The following UQCC1 variants were observed in gnomAD, a reference collection of about 807,000 sequenced individuals.
The protein encoded by UQCC1 is bFGF-repressed Zic-binding protein.
UQCC1 carries 38 observed loss-of-function variants against 48.0 expected under a neutral mutation model. The observed-to-expected ratio is 0.79, with a 90% confidence interval of 0.61 to 1.04. The LOEUF (loss-of-function observed/expected upper bound fraction) is 1.04. UQCC1 is among the 50% of genes least tolerant of loss of function. The probability of loss-of-function intolerance (pLI) is 0.00; values close to 1 mark genes in which losing one functional copy is unlikely to be tolerated. For missense variants in UQCC1, 368 were observed against 381.8 expected (o/e 0.96, Z 0.30); for synonymous variants, 111 against 129.2 (o/e 0.86, Z 0.95).
intron 5 of UQCC1, among the ~76,000 whole-genome samples, chr20:35,371,699 G>GAAAAAAAA (rs57335287): frequency 6.5e-5 from 6 of 92,198 alleles, no homozygotes; most frequent in Non-Finnish European, 1.3e-4. Flanking sequence ...GGCACTTAAA[G>GAAAAAAAA]AAAAAAAAAA....
At position 35,394,142 on chromosome 20, in the gene UQCC1, C is replaced by G. The variant is rs952223809; in HGVS notation, c.79G>C (p.Val27Leu). The change falls in exon 2 of 10, where the codon GTG becomes CTG. Residue 27 changes from valine to leucine, a missense_variant. Val to Leu is a conservative substitution (Grantham distance 32). Transcript: ENST00000374385. ...TCCCCCTGTCCTTGGGTAGGAGACACAGGTATCAATCGGCTGCATACTGGA... is the reference window on the plus strand; with the variant it reads ...TCCCCCTGTCCTTGGGTAGGAGACAGAGGTATCAATCGGCTGCATACTGGA... ...WVPVCSRLIP[V>L]SPTQGQGDRA... 6.2e-7 allele frequency: 1 copy of G among 1,614,074 alleles called. No individual in the cohort carries two copies.
intron 4 of UQCC1, among the ~76,000 whole-genome samples, chr20:35,375,947 TAAAA>T (rs11367331): frequency 1.5e-5 from 1 of 64,724 alleles, no homozygotes; most frequent in Non-Finnish European, 2.6e-5. Flanking sequence ...GGACCTTGCC[TAAAA>T]AAAAAAAAAA....
At chr20:35,336,928 A>G (rs2061322212) in intron 7 of UQCC1, among the ~76,000 whole-genome samples, 1 of 152,224 alleles carries the variant, frequency 6.6e-6, no homozygotes, top group Admixed American at 6.5e-5. Context: ...GAAATCCTCA[A>G]GTTTCACATG....
intron 7 of UQCC1, chr20:35,344,353 G>A (rs2061411116): frequency 6.6e-6 from 1 of 152,404 alleles, no homozygotes; most frequent in East Asian, 1.9e-4. Context: ...AAAGGTTCCT[G>A]CAGTCCAGGA....
intron 6 of UQCC1, among the ~76,000 whole-genome samples, chr20:35,353,942 T>C (rs2061518350): frequency 6.6e-6 from 1 of 152,228 alleles, no homozygotes; most frequent in African/African-American, 2.4e-5. Context: ...TTTTATTTCT[T>C]ATATTGCATT....
intron 6 of UQCC1, among the ~76,000 whole-genome samples, chr20:35,351,953 T>C (rs888360041): frequency 6.6e-6 from 1 of 152,230 alleles, no homozygotes; most frequent in Non-Finnish European, 1.5e-5. Flanking sequence ...ATTATAGTGA[T>C]GGCTAAAACT....
intron 7 of UQCC1, among the ~76,000 whole-genome samples, chr20:35,340,198 A>T (rs1186138326): frequency 1.3e-5 from 2 of 152,142 alleles, no homozygotes; most frequent in African/African-American, 4.8e-5. Flanking sequence ...CAGTTGTAAA[A>T]CTGCCTGAGG....
intron 5 of UQCC1, among the ~76,000 whole-genome samples, chr20:35,369,321 T>C (rs770135194): frequency 1.3e-5 from 2 of 152,252 alleles, no homozygotes; most frequent in Non-Finnish European, 2.9e-5. Flanking sequence ...CACCATTGAC[T>C]GTTGACTGTG....
chr20:35,377,719 TA>T (rs747581668), intron 4 of UQCC1, among the ~76,000 whole-genome samples: 1 of 152,208 alleles, frequency 6.6e-6, no homozygotes, highest in Non-Finnish European at 1.5e-5. Flanking sequence ...TTCCTATATA[TA>T]AAGTCCTGGG....
intron 7 of UQCC1, among the ~76,000 whole-genome samples, chr20:35,342,889 T>C (rs1054749848): frequency 2.0e-5 from 3 of 152,230 alleles, no homozygotes; most frequent in African/African-American, 2.4e-5. Context: ...CACGATGATA[T>C]ATGAGTCTGC....
intron 1 of UQCC1, among the ~76,000 whole-genome samples, chr20:35,401,152 A>AACAG (rs2062158486): frequency 6.6e-6 from 1 of 152,228 alleles, no homozygotes. Flanking sequence ...CAATCAATAT[A>AACAG]TAACCTTGTT....
At chr20:35,372,127 T>C (rs1380087044) in intron 5 of UQCC1, among the ~76,000 whole-genome samples, 2 of 151,736 alleles carry the variant, frequency 1.3e-5, no homozygotes, top group African/African-American at 4.8e-5. Flanking sequence ...CTGGCCAATA[T>C]GGTGAAACCT....
At chr20:35,371,718 A>AAAAC (rs2061734051) in intron 5 of UQCC1, among the ~76,000 whole-genome samples, 3 of 151,416 alleles carry the variant, frequency 2.0e-5, no homozygotes, top group Admixed American at 2.0e-4. Context: ...AAAAAAAAAA[A>AAAAC]AAACAGGCTG....
At chr20:35,331,572 C>T (rs2061257933) in intron 7 of UQCC1, among the ~76,000 whole-genome samples, 1 of 152,130 alleles carries the variant, frequency 6.6e-6, no homozygotes, top group Admixed American at 6.5e-5. Context: ...TCACACATAT[C>T]GTTTTAAATT....
chr20:35,329,249 G>A (rs891646404), intron 7 of UQCC1, among the ~76,000 whole-genome samples: 1 of 152,218 alleles, frequency 6.6e-6, no homozygotes, highest in African/African-American at 2.4e-5. Flanking sequence ...GAGATGAAGA[G>A]AGTCAAGAGG....
At chr20:35,330,609 G>A (rs73903050) in intron 7 of UQCC1, among the ~76,000 whole-genome samples, 2,002 of 152,226 alleles carry the variant, frequency 0.013, 38 homozygotes, top group African/African-American at 0.045. Flanking sequence ...CCCCTAGTAC[G>A]TTATGAACCC....
chr20:35,336,691 TA>T (rs917388108), intron 7 of UQCC1, among the ~76,000 whole-genome samples: 27 of 152,198 alleles, frequency 1.8e-4, no homozygotes, highest in African/African-American at 6.5e-4. Context: ...TTTGTTGTTT[TA>T]AACCACCAAG....
intron 7 of UQCC1, among the ~76,000 whole-genome samples, chr20:35,340,607 C>T (rs980133150): frequency 1.3e-5 from 2 of 152,210 alleles, no homozygotes; most frequent in African/African-American, 4.8e-5. Context: ...ACCTCAGCCT[C>T]CCACAGAGCT....
intron 6 of UQCC1, among the ~76,000 whole-genome samples, chr20:35,352,892 C>T (rs2061505024): frequency 1.3e-5 from 2 of 151,994 alleles, no homozygotes; most frequent in Admixed American, 6.6e-5. Context: ...ACCATCTTGC[C>T]CAGGCTGGTC....
Sources: gnomAD v4.1 joint callset for allele counts (sites outside exome capture counted in the v4.1 genomes callset) on GRCh38, gnomAD v4.1.1 for gene constraint, MANE v1.5 for transcripts, NCBI Gene and HGNC (gene_info 2026-07-23, HGNC 2026-07-21) for gene names.